Variants in NLRP8 observed in about 807,000 individuals in gnomAD.
NLRP8 encodes NLR family pyrin domain containing 8, also known as NACHT, LRR and PYD domains-containing protein 8.
A neutral mutation model predicts 88.7 loss-of-function variants in NLRP8; 86 were observed. That is an observed-to-expected ratio of 0.97 (90% CI 0.81 to 1.16). The LOEUF (loss-of-function observed/expected upper bound fraction) is 1.16, where lower values mean the gene tolerates loss of function less well. Among genes scored for constraint, NLRP8 ranks in the 50% most tolerant of loss-of-function variants. The probability of loss-of-function intolerance (pLI) is 0.00; values close to 1 mark genes in which losing one functional copy is unlikely to be tolerated. For missense variants in NLRP8, 1,342 were observed against 1,286.5 expected (o/e 1.04, Z -0.66); for synonymous variants, 504 against 494.6 (o/e 1.02, Z -0.25).
At chr19:55,966,861 G>A (rs989356179) in intron 5 of NLRP8, among the ~76,000 whole-genome samples, 4 of 152,240 alleles carry the variant, frequency 2.6e-5, no homozygotes, top group South Asian at 2.1e-4. Flanking sequence ...CTCTAGATCC[G>A]TCTGATACCA....
intron 5 of NLRP8, 146 bp from the exon 6 acceptor site, chr19:55,970,398 G>T: frequency 1.2e-6 from 1 of 855,986 alleles, no homozygotes; most frequent in Non-Finnish European, 1.8e-6. Context: ...CCTGAGCTTG[G>T]TGCAGGTGTG....
In NLRP8 at chr19:55,956,166, G is replaced by A. The variant is rs549808711; in HGVS notation, c.2042+66G>A. On this transcript the variant is annotated intron_variant, in intron 3 of 9. Coordinates refer to ENST00000291971, the MANE Select transcript of NLRP8 (RefSeq NM_176811.2). Reference sequence around the variant, plus strand: ...GGAGGCCTTGACTATGGTGTCCCGGGTGTTTAGGGGGTCAATCTGCAAACC... The same window carrying A: ...GGAGGCCTTGACTATGGTGTCCCGGATGTTTAGGGGGTCAATCTGCAAACC... 2.0e-6 allele frequency: 3 copies of A among 1,478,108 alleles called. No homozygotes were observed. In the South Asian group the frequency reaches 4.0e-5, roughly 20 times the overall value. The allele number at this position is 1,478,108 out of a possible 1,614,324, so 91.6% of individuals were successfully genotyped here. A position where few individuals can be genotyped will look rare whatever the true frequency, so the allele number is the denominator to read the frequency against.
chr19:55,957,668 AATAATT>A (rs1979416108), intron 3 of NLRP8, among the ~76,000 whole-genome samples: 2 of 77,890 alleles, frequency 2.6e-5, no homozygotes, highest in African/African-American at 1.5e-4. Context: ...AAGAAAAAAT[AATAATT>A]ATATATATAT....
chr19:55,962,242 G>T lies in NLRP8; in HGVS notation c.2213+5G>T. The T allele has an allele frequency of 6.2e-7, 1 of 1,610,406 alleles. No individual in the cohort carries two copies. Among genetic ancestry groups the T allele is most frequent in the Non-Finnish European group, 8.5e-7 (1 of 1,178,956 alleles). On this transcript the variant is annotated splice_donor_5th_base_variant and intron_variant, in intron 4 of 9. Transcript: ENST00000291971. ...GTGCAAACTGCAAAAGCTACTGTGA[G>T]TATAACACAAATCCCACTGGAAGGA...
At chr19:55,951,022 G>T (rs1568457780) in intron 1 of NLRP8, among the ~76,000 whole-genome samples, 1 of 152,168 alleles carries the variant, frequency 6.6e-6, no homozygotes, top group Non-Finnish European at 1.5e-5. Context: ...AGGTTGCAGT[G>T]AGCTGAGATC....
chr19:55,949,733 TC>T (rs1461425564), intron 1 of NLRP8, among the ~76,000 whole-genome samples: 18 of 148,844 alleles, frequency 1.2e-4, no homozygotes, highest in African/African-American at 4.5e-4. Context: ...AAGTAGTCAG[TC>T]TCATTGGTAA....
At chr19:55,949,291 G>A (rs306505) in intron 1 of NLRP8, among the ~76,000 whole-genome samples, 53,643 of 151,910 alleles carry the variant, frequency 0.35, 9,991 homozygotes, top group East Asian at 0.54. Flanking sequence ...AGGCTGGAGT[G>A]CAGTGGTGTG....
chr19:55,962,209 C>A lies in NLRP8; in HGVS notation c.2185C>A (p.His729Asn). 6.2e-7 allele frequency: 1 copy of A among 1,613,926 alleles called. No homozygotes were observed. The highest frequency in any genetic ancestry group is 8.5e-7 in the Non-Finnish European group (1 of 1,179,942). ...GAAGGCTCTCGCGGCCGCACTGAGG[C>A]ACCCTCAGTGCAAACTGCAAAAGCT... The change falls in exon 4 of 10, where the codon CAC (histidine) becomes AAC (asparagine). Residue 729 changes from histidine to asparagine, a missense_variant. Transcript: ENST00000291971.
chr19:55,982,665 C>T (rs1422156298), intron 9 of NLRP8, among the ~76,000 whole-genome samples: 1 of 152,204 alleles, frequency 6.6e-6, no homozygotes, highest in African/African-American at 2.4e-5. Context: ...CAATGGGGGC[C>T]AGGCCAGTGG....
rs1980977770 is a variant in NLRP8 at position 55,988,503 on chromosome 19, A to G, written c.*590A>G. The G allele has an allele frequency of 6.8e-6, 1 of 147,602 alleles. No individual in the cohort carries two copies. The highest frequency in any genetic ancestry group is 1.5e-5 in the Non-Finnish European group (1 of 67,336). The allele number at this position is 147,602 out of a possible 1,614,324, so 9.1% of individuals were successfully genotyped here. On this transcript the variant is annotated 3_prime_UTR_variant, in exon 10 of 10. Transcript: ENST00000291971. The stretch of plus-strand genomic sequence containing the variant: ...AAGTTTAAATGAAATGCTTTGAGTC[A>G]CCTAAGACAGGATATAGACAAAGTC...
chr19:55,958,557 T>A (rs775788152), intron 3 of NLRP8, among the ~76,000 whole-genome samples: 56 of 152,114 alleles, frequency 3.7e-4, no homozygotes, highest in Non-Finnish European at 7.4e-4. Flanking sequence ...AGCCCGGCCA[T>A]GCTTGTGACA....
At chr19:55,957,654 A>G (rs1979413995) in intron 3 of NLRP8, among the ~76,000 whole-genome samples, 1 of 116,418 alleles carries the variant, frequency 8.6e-6, no homozygotes, top group Admixed American at 8.6e-5. Context: ...CCACTATCTT[A>G]AAAAAGAAAA....
At chr19:55,950,471 C>T (rs896895844) in intron 1 of NLRP8, among the ~76,000 whole-genome samples, 6 of 151,936 alleles carry the variant, frequency 3.9e-5, no homozygotes, top group African/African-American at 1.5e-4. Context: ...GCAGTTGATC[C>T]TCATTGTTCA....
intron 6 of NLRP8, among the ~76,000 whole-genome samples, chr19:55,972,531 C>G (rs1165607964): frequency 6.6e-6 from 1 of 151,880 alleles, no homozygotes; most frequent in African/African-American, 2.4e-5. Context: ...CGCCCAACAT[C>G]CGAGCAGTGT....
intron 9 of NLRP8, chr19:55,987,758 G>A (rs1771276215): frequency 7.8e-7 from 1 of 1,286,392 alleles, no homozygotes; most frequent in African/African-American, 1.5e-5. Flanking sequence ...GCTTAGGGAA[G>A]TCACTCATCC....
In NLRP8 at chr19:55,981,893, G is replaced by A. The variant is rs184540381; in HGVS notation, c.3047+2329G>A. ...TAATGATCAGGTATCATCCAGGTTG[G>A]TTTCTCTTGTTTTTTGTTTTTTTTT... On this transcript the variant is annotated intron_variant, in intron 9 of 9. Transcript: ENST00000291971. Among the ~76,000 whole-genome samples the A allele has an allele frequency of 4.7e-3, 481 of 102,602 alleles. 1 individual carries two copies. The highest frequency in any genetic ancestry group is 0.017 in the African/African-American group (458 of 26,738). The allele number at this position is 102,602 out of a possible 152,430, so 67.3% of individuals were successfully genotyped here. A position where few individuals can be genotyped will look rare whatever the true frequency, so the allele number is the denominator to read the frequency against.
chr19:55,955,726 A>G lies in NLRP8; in HGVS notation c.1668A>G (p.Gly556=), dbSNP rs773316509. The G allele has an allele frequency of 1.1e-5, 17 of 1,614,016 alleles. No individual in the cohort carries two copies. In the South Asian group the frequency reaches 1.8e-4, roughly 17 times the overall value. The change falls in exon 3 of 10, where the codon GGA becomes GGG. Residue 556 remains glycine (G), a synonymous_variant. Transcript: ENST00000291971. ...GCAAAAGCTATCTCTCTCACATGGG[A>G]CTTTTCTTATTCGGTTTTCTGAACG...
chr19:55,954,476 T>A lies in NLRP8; in HGVS notation c.443-25T>A, dbSNP rs1220113507. Reference sequence around the variant, plus strand: ...CAATTCACTCTGATGTCATACCCTTTATTTCTCCCATCTCACAAATCTAGG... The same window carrying A: ...CAATTCACTCTGATGTCATACCCTTAATTTCTCCCATCTCACAAATCTAGG... On this transcript the variant is annotated intron_variant, in intron 2 of 9. Coordinates refer to ENST00000291971, the MANE Select transcript of NLRP8 (RefSeq NM_176811.2). 1.9e-6 allele frequency: 3 copies of A among 1,604,078 alleles called. No homozygotes were observed. In the East Asian group the frequency reaches 6.7e-5, roughly 36 times the overall value.
chr19:55,957,673 TTATATATATATA>T (rs10523999), intron 3 of NLRP8, among the ~76,000 whole-genome samples: 2,111 of 30,552 alleles, frequency 0.069, 37 homozygotes, highest in East Asian at 0.15. Flanking sequence ...AAAATAATAA[TTATATATATATA>T]TATATATATA....
Sources: gnomAD v4.1 joint callset for allele counts (sites outside exome capture counted in the v4.1 genomes callset) on GRCh38, gnomAD v4.1.1 for gene constraint, MANE v1.5 for transcripts, NCBI Gene and HGNC (gene_info 2026-07-23, HGNC 2026-07-21) for gene names.